RNF138: variants seen among roughly 807,000 people sequenced by gnomAD.
RNF138 encodes ring finger protein 138.
Under a neutral mutation model 31.0 loss-of-function variants are expected in RNF138, and 12 were observed. The observed-to-expected ratio is 0.39, with a 90% CI of 0.25 to 0.63. The LOEUF (loss-of-function observed/expected upper bound fraction) is 0.63, where lower values mean the gene tolerates loss of function less well. Among genes scored for constraint, RNF138 ranks in the 20% least tolerant of loss-of-function variants. The pLI is 0.52. For missense variants in RNF138, 192 were observed against 300.1 expected, an observed-to-expected ratio of 0.64 and a Z score of 2.66; for synonymous variants, 105 against 99.5, an observed-to-expected ratio of 1.06 and a Z score of -0.33.
Position 32,113,843 on chromosome 18 carries a change from A to G in RNF138, c.375A>G (p.Gln125=), listed in dbSNP as rs757246233. 38 of 1,493,932 alleles carry G rather than the reference A, an allele frequency of 2.5e-5. No homozygotes were observed. The highest frequency in any genetic ancestry group is 4.3e-5 in the Admixed American group (2 of 46,346). The allele number at this position is 1,493,932 out of a possible 1,614,324, so 92.5% of individuals were successfully genotyped here. Residue 125 remains glutamine, a synonymous_variant, in exon 4 of 8, where the codon CAA becomes CAG. Transcript: ENST00000261593. ...SSIIPNFQIS[Q]DSVGNSNRSE... ...TCATTCCAAACTTTCAGATCTCTCA[A>G]GATTCAGTAGGGAACAGGTAAGCAA... is the stretch of plus-strand genomic sequence containing the variant.
chr18:32,107,088 C>G (rs1248329869), intron 2 of RNF138, among the ~76,000 whole-genome samples: 3 of 145,404 alleles, frequency 2.1e-5, no homozygotes, highest in Non-Finnish European at 4.5e-5. Flanking sequence ...TGTTAACTGT[C>G]TCTGGTTAAA....
intron 4 of RNF138, among the ~76,000 whole-genome samples, chr18:32,114,222 G>GT (rs1325038220): frequency 6.6e-6 from 1 of 152,070 alleles, no homozygotes; most frequent in Non-Finnish European, 1.5e-5. Context: ...ACTACAACCT[G>GT]TTTTTTCTTT....
chr18:32,122,958 C>T (rs2144281941), intron 4 of RNF138, among the ~76,000 whole-genome samples: 1 of 152,342 alleles, frequency 6.6e-6, no homozygotes, highest in South Asian at 2.1e-4. Flanking sequence ...ACACATGACT[C>T]TCTGGCATAT....
intron 7 of RNF138, among the ~76,000 whole-genome samples, chr18:32,127,801 C>T (rs905021261): frequency 1.3e-5 from 2 of 152,200 alleles, no homozygotes; most frequent in South Asian, 2.1e-4. Flanking sequence ...GTAATCTAGG[C>T]AGGGCTTGGT....
intron 3 of RNF138, among the ~76,000 whole-genome samples, chr18:32,112,872 C>T (rs536712920): frequency 2.0e-5 from 3 of 152,146 alleles, no homozygotes; most frequent in East Asian, 3.9e-4. Context: ...GATTTATCAC[C>T]GACATTTTTT....
chr18:32,119,026 T>G (rs1452234069), intron 4 of RNF138, among the ~76,000 whole-genome samples: 2 of 152,210 alleles, frequency 1.3e-5, no homozygotes, highest in African/African-American at 4.8e-5. Context: ...AAAAGATATT[T>G]TCTTCTTAAA....
rs1289014654 is a variant in RNF138, at chr18:32,107,084, C to T, written c.111-4670C>T. Among the ~76,000 whole-genome samples the T allele has an allele frequency of 2.7e-5, 4 of 147,856 alleles. No homozygotes were observed. In the East Asian group the frequency reaches 7.9e-4, roughly 29 times the overall value. On this transcript the variant is annotated intron_variant, in intron 2 of 7. Transcript: ENST00000261593. The stretch of plus-strand genomic sequence containing the variant: ...CTGGATTAGGGCTCTTGTGTGTTAA[C>T]TGTCTCTGGTTAAATTCACTTTCCT...
chr18:32,119,292 G>T (rs2040265583), intron 4 of RNF138, among the ~76,000 whole-genome samples: 2 of 152,106 alleles, frequency 1.3e-5, no homozygotes, highest in African/African-American at 2.4e-5. Context: ...TTGAGGCAGG[G>T]TCTCGCTATG....
intron 2 of RNF138, among the ~76,000 whole-genome samples, chr18:32,102,745 G>T (rs895688156): frequency 1.6e-4 from 24 of 151,664 alleles, no homozygotes; most frequent in African/African-American, 5.8e-4. Context: ...TGATTCTCCT[G>T]CCTCAGCCTC....
intron 2 of RNF138, 120 bp from the exon 3 acceptor site, chr18:32,111,634 A>C (rs894579072): frequency 2.5e-6 from 2 of 790,706 alleles, no homozygotes; most frequent in Non-Finnish European, 2.0e-6. Context: ...ATTTATGTAC[A>C]TATGAGTAGC....
At chr18:32,110,175 T>C (rs1203651023) in intron 2 of RNF138, among the ~76,000 whole-genome samples, 1 of 152,094 alleles carries the variant, frequency 6.6e-6, no homozygotes, top group African/African-American at 2.4e-5. Context: ...TTAATTTTTG[T>C]AGAGACAGGG....
At chr18:32,097,944 ATGTGTGTGTGTGTGTGTGTG>A (rs34814991) in intron 2 of RNF138, among the ~76,000 whole-genome samples, 1 of 87,328 alleles carries the variant, frequency 1.1e-5, no homozygotes, top group Non-Finnish European at 2.6e-5. Flanking sequence ...GTATGTATAT[ATGTGTGTGTGTGTGTGTGTG>A]TGTGTGTGTG....
At chr18:32,099,231 T>A (rs987945585) in intron 2 of RNF138, among the ~76,000 whole-genome samples, 1 of 152,154 alleles carries the variant, frequency 6.6e-6, no homozygotes, top group African/African-American at 2.4e-5. Flanking sequence ...TAATTCTTGA[T>A]TTGTACCTTT....
At chr18:32,093,201 C>A (rs2039739396) in intron 2 of RNF138, among the ~76,000 whole-genome samples, 1 of 152,150 alleles carries the variant, frequency 6.6e-6, no homozygotes. Context: ...GCGGCGTCTT[C>A]AGGCCCCGGA....
chr18:32,103,906 A>G (rs2039983709), intron 2 of RNF138, among the ~76,000 whole-genome samples: 1 of 151,778 alleles, frequency 6.6e-6, no homozygotes, highest in South Asian at 2.1e-4. Flanking sequence ...CAGAGCTTGC[A>G]GTGAGCTGAG....
At chr18:32,117,433 A>T (rs573463347) in intron 4 of RNF138, among the ~76,000 whole-genome samples, 1 of 152,320 alleles carries the variant, frequency 6.6e-6, no homozygotes, top group Admixed American at 6.5e-5. Flanking sequence ...TAGATAACAG[A>T]ACCTGAAGAA....
intron 2 of RNF138, among the ~76,000 whole-genome samples, chr18:32,099,172 C>T (rs1172972457): frequency 6.6e-6 from 1 of 151,860 alleles, no homozygotes; most frequent in Non-Finnish European, 1.5e-5. Flanking sequence ...AGGGTAATGC[C>T]CTGTTCTGAA....
chr18:32,117,059 G>A (rs896114566), intron 4 of RNF138, among the ~76,000 whole-genome samples: 3 of 151,520 alleles, frequency 2.0e-5, no homozygotes, highest in Non-Finnish European at 2.9e-5. Flanking sequence ...CCACCACCAC[G>A]CCCAACTAAT....
chr18:32,128,978 T>C (rs995507642), intron 7 of RNF138, 141 bp from the exon 8 acceptor site: 24 of 600,528 alleles, frequency 4.0e-5, no homozygotes, highest in African/African-American at 2.0e-4. Flanking sequence ...GATACTGTTA[T>C]ATATGTTTTA....
Sources: gnomAD v4.1 joint callset for allele counts (sites outside exome capture counted in the v4.1 genomes callset) on GRCh38, gnomAD v4.1.1 for gene constraint, MANE v1.5 for transcripts, NCBI Gene and HGNC (gene_info 2026-07-23, HGNC 2026-07-21) for gene names.